Variants in SNX29 observed in about 807,000 individuals in gnomAD.
SNX29 encodes the protein sorting nexin-29.
A neutral mutation model predicts 102.1 loss-of-function variants in SNX29; 78 were observed. The ratio of observed to expected loss-of-function variants is 0.76; its 90% CI spans 0.64 to 0.92. The LOEUF (loss-of-function observed/expected upper bound fraction) is 0.92, where lower values mean the gene tolerates loss of function less well. Ranked by LOEUF, SNX29 falls within the 40% of genes least tolerant of loss-of-function variation. SNX29 has a pLI of 0.00. For synonymous variants in SNX29, 580 were observed against 414.5 expected, an observed-to-expected ratio of 1.40 and a Z score of -4.85; for missense variants, 1,280 against 1,061.7, an observed-to-expected ratio of 1.21 and a Z score of -2.86.
At chr16:12,553,257 A>G (rs1321919768) in intron 20 of SNX29, among the ~76,000 whole-genome samples, 1 of 152,200 alleles carries the variant, frequency 6.6e-6, no homozygotes, top group Non-Finnish European at 1.5e-5. Flanking sequence ...ATTGTACAAG[A>G]CCACTGCCGC....
At chr16:12,428,988 C>A (rs2085202020) in intron 18 of SNX29, among the ~76,000 whole-genome samples, 1 of 152,194 alleles carries the variant, frequency 6.6e-6, no homozygotes, top group Non-Finnish European at 1.5e-5. Flanking sequence ...ATTAATAGTT[C>A]TTTCTAGTTA....
intron 11 of SNX29, among the ~76,000 whole-genome samples, chr16:12,079,661 A>G (rs1381852567): frequency 1.3e-5 from 2 of 152,138 alleles, no homozygotes; most frequent in South Asian, 2.1e-4. Flanking sequence ...AGCCATTCAG[A>G]CCTACTCTTC....
At chr16:12,567,800 G>A (rs901570572) in intron 20 of SNX29, among the ~76,000 whole-genome samples, 29 of 152,054 alleles carry the variant, frequency 1.9e-4, no homozygotes, top group African/African-American at 6.3e-4. Flanking sequence ...CACATCACAG[G>A]ACTTCCTGCT....
At chr16:12,013,356 G>T (rs1175458543) in intron 3 of SNX29, among the ~76,000 whole-genome samples, 2 of 149,914 alleles carry the variant, frequency 1.3e-5, no homozygotes, top group Non-Finnish European at 3.0e-5. Context: ...CAAGATTATT[G>T]TTAGTGGCCA....
At chr16:12,051,020 C>A (rs897040579) in intron 7 of SNX29, among the ~76,000 whole-genome samples, 1 of 152,172 alleles carries the variant, frequency 6.6e-6, no homozygotes, top group African/African-American at 2.4e-5. Context: ...CGCGCCCGGC[C>A]CTTTCTGCCA....
chr16:12,339,370 C>CAAAAAAAAAAAAAAAAAAAA (rs58148692), intron 15 of SNX29, among the ~76,000 whole-genome samples: 1 of 56,280 alleles, frequency 1.8e-5, no homozygotes, highest in Non-Finnish European at 3.0e-5. Flanking sequence ...GATTCTGTCT[C>CAAAAAAAAAAAAAAAAAAAA]AAAAAAAAAA....
chr16:12,095,186 G>A (rs1030602587), intron 11 of SNX29: 3 of 152,172 alleles, frequency 2.0e-5, no homozygotes, highest in Non-Finnish European at 2.9e-5. Context: ...AATTCATTCA[G>A]TTGATATTTG....
At chr16:12,210,870 A>G (rs1474910563) in intron 14 of SNX29, among the ~76,000 whole-genome samples, 1 of 151,852 alleles carries the variant, frequency 6.6e-6, no homozygotes, top group African/African-American at 2.4e-5. Context: ...ACCTTTTCAG[A>G]TACTAAGTTT....
At chr16:12,165,057 A>T (rs534651879) in intron 13 of SNX29, among the ~76,000 whole-genome samples, 63 of 152,324 alleles carry the variant, frequency 4.1e-4, no homozygotes, top group African/African-American at 1.5e-3. Flanking sequence ...CATGTGAGTG[A>T]ATCAAGAGTT....
chr16:12,366,042 CAAAAAAAAAAA>C (rs55895030), intron 16 of SNX29, among the ~76,000 whole-genome samples: 3 of 72,396 alleles, frequency 4.1e-5, no homozygotes, highest in Non-Finnish European at 5.9e-5. Flanking sequence ...ACTCTTGTCT[CAAAAAAAAAAA>C]AAAAAAAAAA....
chr16:12,310,647 A>G (rs1280355096), intron 15 of SNX29, among the ~76,000 whole-genome samples: 1 of 152,210 alleles, frequency 6.6e-6, no homozygotes, highest in Non-Finnish European at 1.5e-5. Flanking sequence ...GGAGGGTGGC[A>G]TTACCAGGAG....
intron 16 of SNX29, 150 bp downstream of exon 16, chr16:12,356,429 A>C: frequency 3.2e-6 from 2 of 628,364 alleles, no homozygotes; most frequent in Non-Finnish European, 5.5e-6. Context: ...TTTATTTTTT[A>C]TGGGGAGGGG....
At position 12,098,286 on chromosome 16, in the gene SNX29, A is replaced by G. The variant is rs1261831272; in HGVS notation, c.1402+19371A>G. Among the ~76,000 whole-genome samples the G allele has an allele frequency of 6.6e-6, 1 of 152,204 alleles. No homozygotes were observed. The highest frequency in any genetic ancestry group is 2.4e-5 in the African/African-American group (1 of 41,462). ...TTGTTTTGCATAAGTATATATTTAC[A>G]TGGAACAAAACTCAAAAGGTACGTA... On this transcript the variant is annotated intron_variant, in intron 11 of 20. Coordinates refer to ENST00000566228, the MANE Select transcript of SNX29 (RefSeq NM_032167.5). This position sits in a 1 kb window ranked among gnomAD's most constrained non-coding sequence, Gnocchi z 6.0.
intron 4 of SNX29, among the ~76,000 whole-genome samples, chr16:12,036,133 G>A (rs1335952496): frequency 6.6e-6 from 1 of 151,960 alleles, no homozygotes; most frequent in Admixed American, 6.6e-5. Context: ...GGAGTGCAGT[G>A]GTGCAATCAT....
intron 18 of SNX29, among the ~76,000 whole-genome samples, chr16:12,457,342 G>A (rs966877978): frequency 1.1e-4 from 17 of 152,266 alleles, no homozygotes; most frequent in African/African-American, 3.6e-4. Flanking sequence ...TGGAGTCGGG[G>A]GTTAATTGAG....
At chr16:12,536,693 G>A (rs949284824) in intron 20 of SNX29, among the ~76,000 whole-genome samples, 2 of 152,186 alleles carry the variant, frequency 1.3e-5, no homozygotes, top group African/African-American at 4.8e-5. Context: ...GAGGTGTTCA[G>A]GGGGCTGGAC....
At chr16:12,377,717 T>G (rs1242528148) in intron 16 of SNX29, among the ~76,000 whole-genome samples, 1 of 152,164 alleles carries the variant, frequency 6.6e-6, no homozygotes, top group East Asian at 1.9e-4. Flanking sequence ...AAAGCTTATC[T>G]CGGGCCTGCA....
At chr16:12,503,695 C>T (rs766874125) in intron 19 of SNX29, among the ~76,000 whole-genome samples, 1 of 152,102 alleles carries the variant, frequency 6.6e-6, no homozygotes, top group Admixed American at 6.5e-5. Flanking sequence ...TCCCTCTCTC[C>T]GTCACTTTTT....
At chr16:12,554,776 C>T (rs928517385) in intron 20 of SNX29, among the ~76,000 whole-genome samples, 2 of 152,268 alleles carry the variant, frequency 1.3e-5, no homozygotes, top group South Asian at 2.1e-4. Flanking sequence ...TCTCCCCCGC[C>T]ATAGAATGCA....
Sources: allele counts gnomAD v4.1 joint callset (sites outside exome capture counted in the v4.1 genomes callset), GRCh38; gene constraint gnomAD v4.1.1; non-coding constraint Gnocchi (gnomAD v3.1); transcripts MANE v1.5; gene names NCBI Gene and HGNC (gene_info 2026-07-23, HGNC 2026-07-21).